The following TRPC7 variants were observed in gnomAD, a reference collection of about 807,000 sequenced individuals.
The protein encoded by TRPC7 is transient receptor potential cation channel subfamily C member 7.
A neutral mutation model predicts 90.1 loss-of-function variants in TRPC7; 42 were observed. That is an observed-to-expected ratio of 0.47 (90% CI 0.36 to 0.60). TRPC7 has a LOEUF of 0.60. Among genes scored for constraint, TRPC7 ranks in the 20% least tolerant of loss-of-function variants. The pLI, the probability that TRPC7 is intolerant of heterozygous loss-of-function variation, is 0.00. For missense variants in TRPC7, 955 were observed against 1,112.3 expected (o/e 0.86, Z 2.01); for synonymous variants, 451 against 436.3 (o/e 1.03, Z -0.42).
intron 7 of TRPC7, among the ~76,000 whole-genome samples, chr5:136,236,609 G>A (rs1336145445): frequency 6.6e-6 from 1 of 152,208 alleles, no homozygotes; most frequent in Admixed American, 6.5e-5. Flanking sequence ...GAATGTGGGT[G>A]TGTGGGAAGG....
intron 7 of TRPC7, among the ~76,000 whole-genome samples, chr5:136,241,354 A>C (rs1387318990): frequency 1.3e-5 from 2 of 152,246 alleles, no homozygotes; most frequent in African/African-American, 4.8e-5. Flanking sequence ...TGAGAAACAG[A>C]ACACACATTT....
chr5:136,264,689 T>C (rs1756967004), intron 5 of TRPC7, among the ~76,000 whole-genome samples: 1 of 151,712 alleles, frequency 6.6e-6, no homozygotes, highest in Non-Finnish European at 1.5e-5. Flanking sequence ...GCCTTCTGGG[T>C]TCAAGCGATA....
At chr5:136,214,353 T>C (rs187191768) in intron 11 of TRPC7, 1 of 152,388 alleles carries the variant, frequency 6.6e-6, no homozygotes, top group East Asian at 1.9e-4. Flanking sequence ...TCTTTCCTAA[T>C]ACTGTAGATA....
intron 7 of TRPC7, among the ~76,000 whole-genome samples, chr5:136,246,462 A>T (rs1185440097): frequency 6.6e-6 from 1 of 152,194 alleles, no homozygotes; most frequent in African/African-American, 2.4e-5. Flanking sequence ...TAAATTCTCT[A>T]TTCTCAGCCT....
intron 3 of TRPC7, among the ~76,000 whole-genome samples, chr5:136,315,003 C>T (rs1409044019): frequency 6.6e-6 from 1 of 152,142 alleles, no homozygotes; most frequent in East Asian, 1.9e-4. Flanking sequence ...CTACTGGTGA[C>T]CACAGCCATT....
chr5:136,225,186 G>A (rs935569708), intron 10 of TRPC7, 88 bp downstream of exon 10: 21 of 1,157,740 alleles, frequency 1.8e-5, no homozygotes, highest in African/African-American at 3.1e-5. Flanking sequence ...CTGTGTTCTC[G>A]GGGGATGACA....
At chr5:136,320,569 A>G (rs561243183) in intron 2 of TRPC7, among the ~76,000 whole-genome samples, 6 of 151,110 alleles carry the variant, frequency 4.0e-5, no homozygotes, top group Non-Finnish European at 7.4e-5. Flanking sequence ...TCCCAACATT[A>G]CTGCTGTTGT....
In TRPC7 at chr5:136,213,490, A is replaced by G. The variant is rs779500988; in HGVS notation, c.2534T>C (p.Phe845Ser). The G allele has an allele frequency of 1.2e-6, 2 of 1,613,932 alleles. No homozygotes were observed. The highest frequency in any genetic ancestry group is 2.2e-5 in the East Asian group (1 of 44,878). ...GTGGTCTTTGTTTAAGTTCTTTCCA[A>G]ACTTCTCGCTGAGTTGTTGAATCAG... ...ADLIQQLSEK[F>S]GKNLNKDHLR... Residue 845 changes from phenylalanine (F) to serine (S), a missense_variant, in exon 12 of 12, where the codon TTT (phenylalanine) becomes TCT (serine). Around this residue, in one of 4 missense-constraint regions of TRPC7, gnomAD observed 296 missense variants for 422.7 expected, o/e 0.70. Transcript: ENST00000513104.
At chr5:136,322,890 T>C (rs1036758960) in intron 2 of TRPC7, among the ~76,000 whole-genome samples, 1 of 152,238 alleles carries the variant, frequency 6.6e-6, no homozygotes, top group Admixed American at 6.5e-5. Context: ...TTTTAAGAGA[T>C]AGGATTTGTA....
At chr5:136,344,120 C>T (rs113138670) in intron 2 of TRPC7, among the ~76,000 whole-genome samples, 102 of 152,186 alleles carry the variant, frequency 6.7e-4, no homozygotes, top group African/African-American at 2.3e-3. Context: ...ATGTCCTTTG[C>T]GGCAACATGA....
intron 10 of TRPC7, 25 bp downstream of exon 10, chr5:136,225,249 G>A: frequency 6.2e-7 from 1 of 1,605,214 alleles, no homozygotes; most frequent in South Asian, 1.1e-5. Context: ...GCCCATGCTT[G>A]GATGCTTGGG....
At chr5:136,349,858 G>A (rs752072709) in intron 2 of TRPC7, among the ~76,000 whole-genome samples, 7 of 152,186 alleles carry the variant, frequency 4.6e-5, no homozygotes, top group Non-Finnish European at 8.8e-5. Flanking sequence ...TATGACAGTG[G>A]TCCCATGAGA....
rs558349419 is a variant in TRPC7, at chr5:136,290,431, C to T, written c.964-15594G>A. On this transcript the variant is annotated intron_variant, in intron 3 of 11. Transcript: ENST00000513104. ...GAATGGATAACTAGAATAACCAATG[C>T]AGAGAAGTCCTTAAAGGACCTGATG... 4.1e-4 allele frequency among the ~76,000 whole-genome samples: 62 copies of T among 152,270 alleles called. 1 individual carries two copies. In the South Asian group the frequency reaches 0.012, roughly 30 times the overall value.
At chr5:136,259,462 AT>A (rs1216396381) in intron 5 of TRPC7, among the ~76,000 whole-genome samples, 1 of 152,198 alleles carries the variant, frequency 6.6e-6, no homozygotes, top group Non-Finnish European at 1.5e-5. Flanking sequence ...CCTATTTAGC[AT>A]TTTAGACGTA....
At chr5:136,252,317 T>C (rs1756550448) in intron 5 of TRPC7, among the ~76,000 whole-genome samples, 1 of 152,090 alleles carries the variant, frequency 6.6e-6, no homozygotes, top group Non-Finnish European at 1.5e-5. Flanking sequence ...CCCAAGAACC[T>C]AGAACTATGG....
At chr5:136,293,597 C>A (rs1758043644) in intron 3 of TRPC7, among the ~76,000 whole-genome samples, 1 of 152,086 alleles carries the variant, frequency 6.6e-6, no homozygotes, top group Admixed American at 6.5e-5. Context: ...TGTGAAGGAC[C>A]TCTTCAAGGA....
intron 3 of TRPC7, among the ~76,000 whole-genome samples, chr5:136,297,503 T>C (rs1758223546): frequency 1.3e-5 from 2 of 152,156 alleles, no homozygotes; most frequent in Admixed American, 1.3e-4. Context: ...ATTAAGTATG[T>C]AATAGCTATA....
intron 3 of TRPC7, among the ~76,000 whole-genome samples, chr5:136,310,843 T>C (rs1420546790): frequency 6.6e-6 from 1 of 152,080 alleles, no homozygotes; most frequent in African/African-American, 2.4e-5. Context: ...TGTGTTTTAT[T>C]CTGCTTGGGT....
intron 7 of TRPC7, among the ~76,000 whole-genome samples, chr5:136,234,315 T>C (rs1486889436): frequency 6.6e-6 from 1 of 152,050 alleles, no homozygotes; most frequent in African/African-American, 2.4e-5. Flanking sequence ...CTTTTCTTTT[T>C]TTTTTTTTCT....
Sources: gnomAD v4.1 joint callset for allele counts (sites outside exome capture counted in the v4.1 genomes callset) on GRCh38, gnomAD v4.1.1 for gene constraint, gnomAD v4.1.1 regional missense constraint, MANE v1.5 for transcripts, NCBI Gene and HGNC (gene_info 2026-07-23, HGNC 2026-07-21) for gene names.